CATSPERE: variants seen among roughly 807,000 people sequenced by gnomAD.
CATSPERE encodes the protein cation channel sperm-associated auxiliary subunit epsilon.
A neutral mutation model predicts 114.1 loss-of-function variants in CATSPERE; 93 were observed. The ratio of observed to expected loss-of-function variants is 0.81; its 90% CI spans 0.69 to 0.97. The LOEUF is 0.97. CATSPERE is among the 50% of genes least tolerant of loss of function. The pLI is 0.00. For missense variants in CATSPERE, 1,058 were observed against 1,131.6 expected, an observed-to-expected ratio of 0.93 and a Z score of 0.93; for synonymous variants, 341 against 384.1, an observed-to-expected ratio of 0.89 and a Z score of 1.31.
intron 8 of CATSPERE, among the ~76,000 whole-genome samples, chr1:244,540,033 A>G (rs1336004915): frequency 6.6e-6 from 1 of 151,390 alleles, no homozygotes. Flanking sequence ...TATCTATGAC[A>G]AACTCACAGC....
In CATSPERE at chr1:244,640,196, G is replaced by GT; in HGVS notation, c.*115_*116insT. On this transcript the variant is annotated 3_prime_UTR_variant, in exon 22 of 22. Coordinates refer to ENST00000366534, the MANE Select transcript of CATSPERE (RefSeq NM_001130957.2). ...AATACTAAATATAAGCTCGTAGTAG[G>GT]CATCACCAAATTCAAGATCTGAAAA... 1 of 418,640 alleles carries GT rather than the reference G, an allele frequency of 2.4e-6. No homozygotes were observed. The highest frequency in any genetic ancestry group is 3.9e-6 in the Non-Finnish European group (1 of 257,498). The allele number at this position is 418,640 out of a possible 1,614,324, so 25.9% of individuals were successfully genotyped here. A position where few individuals can be genotyped will look rare whatever the true frequency, so the allele number is the denominator to read the frequency against.
chr1:244,477,067 C>T (rs1171723830), intron 2 of CATSPERE, among the ~76,000 whole-genome samples: 1 of 152,176 alleles, frequency 6.6e-6, no homozygotes, highest in Non-Finnish European at 1.5e-5. Context: ...GTGATGTCGG[C>T]TCACTGCAAC....
intron 14 of CATSPERE, among the ~76,000 whole-genome samples, chr1:244,590,467 A>G (rs962676174): frequency 6.6e-6 from 1 of 152,328 alleles, no homozygotes; most frequent in South Asian, 2.1e-4. Flanking sequence ...TTACCATTCT[A>G]AAGTATAGAA....
intron 10 of CATSPERE, among the ~76,000 whole-genome samples, chr1:244,561,905 A>C (rs1288515472): frequency 6.6e-6 from 1 of 152,174 alleles, no homozygotes. Flanking sequence ...TAATGCCAGC[A>C]CTTTGGAAGG....
Position 244,605,419 on chromosome 1 carries a change from A to C in CATSPERE, c.2304-276A>C, listed in dbSNP as rs551113442. 4.6e-5 allele frequency among the ~76,000 whole-genome samples: 7 copies of C among 152,314 alleles called. No homozygotes were observed. The South Asian group carries it at 1.5e-3, about 32-fold the overall frequency. On this transcript the variant is annotated intron_variant, in intron 17 of 21. Transcript: ENST00000366534. Reference sequence around the variant, plus strand: ...CCAAAAAGTAAAACATTTCTCCTTCATTACTATCAGGTTTTATTTTGAGAG... The same window carrying C: ...CCAAAAAGTAAAACATTTCTCCTTCCTTACTATCAGGTTTTATTTTGAGAG...
At chr1:244,451,250 AAG>A (rs1258487011), upstream of CATSPERE, among the ~76,000 whole-genome samples, 1 of 152,112 alleles carries the variant, frequency 6.6e-6, no homozygotes, top group Non-Finnish European at 1.5e-5. This position sits in a 1 kb window ranked among gnomAD's most constrained non-coding sequence, Gnocchi z 6.6. Context: ...CCGCAGTCGG[AAG>A]AGTTGGGAGC....
At chr1:244,521,251 G>A (rs780337546) in intron 8 of CATSPERE, among the ~76,000 whole-genome samples, 4 of 152,110 alleles carry the variant, frequency 2.6e-5, no homozygotes, top group Non-Finnish European at 4.4e-5. Flanking sequence ...CTACTTGGGA[G>A]GCTGAGGCAG....
chr1:244,531,142 A>G (rs1679523312), intron 8 of CATSPERE, among the ~76,000 whole-genome samples: 1 of 151,374 alleles, frequency 6.6e-6, no homozygotes, highest in Admixed American at 6.6e-5. Flanking sequence ...AGGCCGAGGC[A>G]GGAGAATCGC....
At chr1:244,576,162 G>C (rs769351741) in intron 11 of CATSPERE, among the ~76,000 whole-genome samples, 8 of 152,002 alleles carry the variant, frequency 5.3e-5, no homozygotes, top group Non-Finnish European at 1.2e-4. Context: ...CTTTACTCCA[G>C]GTTGCCAGCC....
rs3003267 is a variant in CATSPERE at position 244,521,691 on chromosome 1, C to A, written c.536+2993C>A. ...GAAAAAAATTAGAAATATAGAATAT[C>A]TTTATTGTCTCAGGATACTGAAGGA... On this transcript the variant is annotated intron_variant, in intron 8 of 21. Transcript: ENST00000366534. 7.2e-3 allele frequency among the ~76,000 whole-genome samples: 1,099 copies of A among 152,154 alleles called. 13 individuals are homozygous for A. The highest frequency in any genetic ancestry group is 0.025 in the African/African-American group (1,024 of 41,522).
intron 5 of CATSPERE, among the ~76,000 whole-genome samples, chr1:244,486,389 T>C (rs1461674454): frequency 1.3e-5 from 2 of 149,666 alleles, no homozygotes; most frequent in Non-Finnish European, 3.0e-5. Context: ...GTGGGCCAGG[T>C]ACAGACCCTC....
chr1:244,543,198 A>T (rs1366425526), intron 8 of CATSPERE, among the ~76,000 whole-genome samples: 5 of 152,314 alleles, frequency 3.3e-5, no homozygotes, highest in African/African-American at 1.2e-4. Flanking sequence ...GTGTTCACTG[A>T]TTCACAATAG....
chr1:244,572,053 C>G (rs994567793), intron 10 of CATSPERE, among the ~76,000 whole-genome samples: 6 of 152,118 alleles, frequency 3.9e-5, no homozygotes, highest in Admixed American at 6.5e-5. Context: ...CCATGCTCAT[C>G]CTTGTTATTA....
chr1:244,571,882 A>C (rs1664520992), intron 10 of CATSPERE, among the ~76,000 whole-genome samples: 1 of 151,886 alleles, frequency 6.6e-6, no homozygotes, highest in Non-Finnish European at 1.5e-5. Flanking sequence ...GTTCTGTTGG[A>C]CTAGGACCCC....
At chr1:244,455,512 T>TG (rs913483467) in intron 1 of CATSPERE, among the ~76,000 whole-genome samples, 1 of 151,638 alleles carries the variant, frequency 6.6e-6, no homozygotes, top group African/African-American at 2.4e-5. Context: ...GGGTTTTTTT[T>TG]TTTTTTTAAA....
chr1:244,527,878 G>C (rs1460007713), intron 8 of CATSPERE, among the ~76,000 whole-genome samples: 1 of 152,140 alleles, frequency 6.6e-6, no homozygotes, highest in Non-Finnish European at 1.5e-5. Flanking sequence ...AGCCTCCCAA[G>C]TGGGATGTGT....
intron 6 of CATSPERE, among the ~76,000 whole-genome samples, chr1:244,496,984 C>A (rs1459082270): frequency 6.6e-6 from 1 of 152,078 alleles, no homozygotes; most frequent in Non-Finnish European, 1.5e-5. Flanking sequence ...AGAAGATGGA[C>A]TAGTCAATAA....
chr1:244,558,060 C>T (rs746054885), intron 9 of CATSPERE, among the ~76,000 whole-genome samples: 6 of 151,932 alleles, frequency 3.9e-5, no homozygotes, highest in South Asian at 2.1e-4. Flanking sequence ...AAGCAATTCT[C>T]GCACCTTGGC....
At chr1:244,466,754 G>T (rs1362143825) in intron 2 of CATSPERE, among the ~76,000 whole-genome samples, 1 of 152,152 alleles carries the variant, frequency 6.6e-6, no homozygotes, top group African/African-American at 2.4e-5. Flanking sequence ...AAAAGTTGCT[G>T]TTGCCACCAG....
Sources: allele counts gnomAD v4.1 joint callset (sites outside exome capture counted in the v4.1 genomes callset), GRCh38; gene constraint gnomAD v4.1.1; non-coding constraint Gnocchi (gnomAD v3.1); transcripts MANE v1.5; gene names NCBI Gene and HGNC (gene_info 2026-07-23, HGNC 2026-07-21).